The following FNDC1 variants were observed in gnomAD, a reference collection of about 807,000 sequenced individuals.
The protein encoded by FNDC1 is fibronectin type III domain-containing protein 1.
Under a neutral mutation model 168.0 loss-of-function variants are expected in FNDC1, and 96 were observed. The ratio of observed to expected loss-of-function variants is 0.57; its 90% confidence interval spans 0.48 to 0.68. The LOEUF (loss-of-function observed/expected upper bound fraction) is 0.68, where lower values mean the gene tolerates loss of function less well. Among genes scored for constraint, FNDC1 ranks in the 30% least tolerant of loss-of-function variants. FNDC1 has a pLI of 0.00. For missense variants in FNDC1, 2,587 were observed against 2,482.1 expected (o/e 1.04, Z -0.90); for synonymous variants, 1,099 against 1,025.9 (o/e 1.07, Z -1.36).
intron 1 of FNDC1, among the ~76,000 whole-genome samples, chr6:159,173,930 A>AGG (rs1375769904): frequency 9.9e-5 from 15 of 152,250 alleles, no homozygotes; most frequent in African/African-American, 3.1e-4. Flanking sequence ...TCAAGGGATG[A>AGG]GGGGGGCAGG....
chr6:159,215,153 T>G lies in FNDC1; in HGVS notation c.667+2T>G. On this transcript the variant is annotated splice_donor_variant, in intron 5 of 22. Transcript: ENST00000297267. LOFTEE classifies it high-confidence loss of function. ...GGACACACGAAATTAAAAAGCTAGG[T>G]GAGTTTCATATTCATTGGTATTCAA... is the stretch of plus-strand genomic sequence containing the variant. 6.2e-7 allele frequency: 1 copy of G among 1,612,720 alleles called. No homozygotes were observed. The highest frequency in any genetic ancestry group is 8.5e-7 in the Non-Finnish European group (1 of 1,178,706).
chr6:159,200,420 A>G (rs943250348), intron 3 of FNDC1, 93 bp from the exon 4 acceptor site: 13 of 985,212 alleles, frequency 1.3e-5, no homozygotes, highest in Non-Finnish European at 1.8e-5. Flanking sequence ...GATGGTTGAA[A>G]AGATCATTTA....
Position 159,238,641 on chromosome 6 carries a change from G to T in FNDC1, c.4156G>T (p.Gly1386Ter). 6.2e-7 allele frequency: 1 copy of T among 1,607,144 alleles called. No homozygotes were observed. Among genetic ancestry groups the T allele is most frequent in the Non-Finnish European group, 8.5e-7 (1 of 1,176,554 alleles). ...TGGAAATCCTCTTCGGATTAAACTA[G>T]GAGGAGATGGTCGAACCATTGTAGG... ...SHGNPLRIKL[G>*]GDGRTIVDLE... The change falls in exon 13 of 23, where the codon GGA becomes TGA. Residue 1386 changes from glycine to a stop codon, truncating the protein, a stop_gained. Transcript: ENST00000297267. LOFTEE classifies it high-confidence loss of function.
intron 1 of FNDC1, among the ~76,000 whole-genome samples, chr6:159,176,880 G>T (rs1213253394): frequency 6.6e-6 from 1 of 152,200 alleles, no homozygotes; most frequent in African/African-American, 2.4e-5. Context: ...CCTTCTTCAT[G>T]CCAATATAGA....
intron 13 of FNDC1, 26 bp downstream of exon 13, chr6:159,238,691 TA>T (rs767682395): frequency 6.9e-6 from 10 of 1,446,238 alleles, no homozygotes; most frequent in Non-Finnish European, 1.9e-6. Flanking sequence ...TTTTAAAGAA[TA>T]AAAGCCTACT....
At chr6:159,243,149 C>A (rs1273955766) in intron 14 of FNDC1, 3 of 139,036 alleles carry the variant, frequency 2.2e-5, no homozygotes, top group African/African-American at 8.0e-5. Context: ...TAGGCATTTT[C>A]CATGTCCTAA....
chr6:159,235,138 C>A (rs951996572), intron 11 of FNDC1, among the ~76,000 whole-genome samples: 1 of 152,216 alleles, frequency 6.6e-6, no homozygotes, highest in African/African-American at 2.4e-5. Context: ...AGAGGAGTTA[C>A]AGGCAGATGT....
intron 19 of FNDC1, among the ~76,000 whole-genome samples, chr6:159,264,541 T>A (rs1777553265): frequency 1.3e-5 from 2 of 152,232 alleles, no homozygotes; most frequent in Non-Finnish European, 2.9e-5. Flanking sequence ...CAAACAAAGA[T>A]GCTATAAACA....
At chr6:159,259,881 T>C (rs1777450097) in intron 18 of FNDC1, among the ~76,000 whole-genome samples, 2 of 152,278 alleles carry the variant, frequency 1.3e-5, no homozygotes, top group Non-Finnish European at 2.9e-5. Flanking sequence ...GCTTTCTGTT[T>C]AATCAAACTC....
At chr6:159,184,780 A>AGACT (rs1488670702) in intron 1 of FNDC1, among the ~76,000 whole-genome samples, 2 of 152,328 alleles carry the variant, frequency 1.3e-5, no homozygotes, top group Non-Finnish European at 2.9e-5. Flanking sequence ...TAGTAGGCTG[A>AGACT]GACTAGCTGG....
intron 19 of FNDC1, among the ~76,000 whole-genome samples, chr6:159,263,421 TA>T (rs1398173423): frequency 6.6e-6 from 1 of 152,054 alleles, no homozygotes; most frequent in Non-Finnish European, 1.5e-5. Flanking sequence ...TTTTCAAAAA[TA>T]AAAAAAGAAT....
At chr6:159,241,802 A>C (rs1467977177) in intron 14 of FNDC1, among the ~76,000 whole-genome samples, 1 of 152,342 alleles carries the variant, frequency 6.6e-6, no homozygotes, top group South Asian at 2.1e-4. Context: ...AAAGTTCTGC[A>C]TATTTAATCC....
chr6:159,224,438 A>G (rs755244701), intron 7 of FNDC1, among the ~76,000 whole-genome samples: 1 of 152,216 alleles, frequency 6.6e-6, no homozygotes, highest in East Asian at 1.9e-4. Context: ...GCAACCAAGA[A>G]AGGGGAATAT....
chr6:159,202,248 A>C (rs1158742705), intron 4 of FNDC1, among the ~76,000 whole-genome samples: 1 of 152,218 alleles, frequency 6.6e-6, no homozygotes, highest in Non-Finnish European at 1.5e-5. Flanking sequence ...ACAACAAAAA[A>C]AACCCAGGAA....
At chr6:159,240,972 A>G (rs1392829128) in intron 14 of FNDC1, 2 of 152,248 alleles carry the variant, frequency 1.3e-5, no homozygotes. Context: ...GATAAGCCCA[A>G]TCAGTTTGAA....
intron 2 of FNDC1, among the ~76,000 whole-genome samples, chr6:159,199,289 C>T (rs2114947833): frequency 6.6e-6 from 1 of 152,268 alleles, no homozygotes; most frequent in South Asian, 2.1e-4. Context: ...TTTCCCATCC[C>T]ATCAACTTTA....
chr6:159,227,646 CTTT>C (rs10537794), intron 9 of FNDC1, among the ~76,000 whole-genome samples: 78 of 135,964 alleles, frequency 5.7e-4, no homozygotes, highest in East Asian at 1.8e-3. Flanking sequence ...TCTTCTTTCT[CTTT>C]TTTTTTTTTT....
chr6:159,203,043 G>A (rs1023374032), intron 4 of FNDC1, among the ~76,000 whole-genome samples: 2 of 152,156 alleles, frequency 1.3e-5, no homozygotes, highest in Non-Finnish European at 2.9e-5. Flanking sequence ...TCCTTGAATG[G>A]CCTTTCTTTG....
At position 159,173,592 on chromosome 6, in the gene FNDC1, A is replaced by G. The variant is rs891418569; in HGVS notation, c.109+3887A>G. ...CAGACAGTTCCAGAGCATGATGAAT[A>G]TACTCTACCAAGACCATTCACATCA... On this transcript the variant is annotated intron_variant, in intron 1 of 22. Transcript: ENST00000297267. Among the ~76,000 whole-genome samples, 8 of 152,342 alleles carry G rather than the reference A, an allele frequency of 5.3e-5. No individual in the cohort carries two copies. The East Asian group carries it at 1.5e-3, about 29-fold the overall frequency.
Sources: gnomAD v4.1 joint callset for allele counts (sites outside exome capture counted in the v4.1 genomes callset) on GRCh38, gnomAD v4.1.1 for gene constraint, MANE v1.5 for transcripts, NCBI Gene and HGNC (gene_info 2026-07-23, HGNC 2026-07-21) for gene names.